The following KLHL28 variants were observed in gnomAD, a reference collection of about 807,000 sequenced individuals.
The protein encoded by KLHL28 is kelch-like protein 28.
KLHL28 carries 22 observed loss-of-function variants against 48.3 expected under a neutral mutation model. That is an observed-to-expected ratio of 0.46 (90% CI 0.33 to 0.65). KLHL28 has a LOEUF of 0.65. KLHL28 is among the 30% of genes least tolerant of loss of function. KLHL28 has a pLI of 0.03. For missense variants in KLHL28, 527 were observed against 704.3 expected (o/e 0.75, Z 2.85); for synonymous variants, 243 against 242.4 (o/e 1.00, Z -0.02).
intron 1 of KLHL28, among the ~76,000 whole-genome samples, chr14:44,948,462 G>T (rs1382059420): frequency 6.6e-6 from 1 of 152,056 alleles, no homozygotes; most frequent in African/African-American, 2.4e-5. Flanking sequence ...GGAATAATAG[G>T]TACCAGCCTT....
In KLHL28 at chr14:44,945,121, G is replaced by A; in HGVS notation, c.808C>T (p.His270Tyr). ...GGTCGTGTCATCAAGACTGTCTGATGAGAGAGTCTATGTTCAGGCATAAAG... is the reference window on the plus strand; with the variant it reads ...GGTCGTGTCATCAAGACTGTCTGATAAGAGAGTCTATGTTCAGGCATAAAG... ...YHFMPEHRLS[H>Y]QTVLMTRPRC... The change falls in exon 2 of 5, where the codon CAT (histidine) becomes TAT (tyrosine). Residue 270 changes from histidine to tyrosine, a missense_variant. Physicochemically the swap from His to Tyr is moderately conservative, Grantham distance 83. Coordinates refer to ENST00000396128, the MANE Select transcript of KLHL28 (RefSeq NM_017658.5). 1.2e-6 allele frequency: 2 copies of A among 1,613,540 alleles called. No individual in the cohort carries two copies. Among genetic ancestry groups the A allele is most frequent in the Non-Finnish European group, 1.7e-6 (2 of 1,179,460 alleles).
At chr14:44,933,858 T>G (rs1883690792) in intron 3 of KLHL28, among the ~76,000 whole-genome samples, 1 of 152,210 alleles carries the variant, frequency 6.6e-6, no homozygotes, top group Non-Finnish European at 1.5e-5. Flanking sequence ...AACTTCATCT[T>G]ATTTTTAGGT....
At chr14:44,940,158 C>T (rs182591801) in intron 2 of KLHL28, among the ~76,000 whole-genome samples, 8 of 152,260 alleles carry the variant, frequency 5.3e-5, no homozygotes, top group African/African-American at 1.9e-4. Flanking sequence ...ATCTTATTAT[C>T]AGGAGCCCAC....
intron 1 of KLHL28, among the ~76,000 whole-genome samples, chr14:44,958,368 G>T (rs1453485087): frequency 2.0e-5 from 3 of 151,076 alleles, no homozygotes; most frequent in Non-Finnish European, 4.4e-5. Context: ...GTAAATAAAT[G>T]GTGAACAGAA....
At chr14:44,949,150 A>G (rs184898308) in intron 1 of KLHL28, among the ~76,000 whole-genome samples, 13 of 152,280 alleles carry the variant, frequency 8.5e-5, no homozygotes, top group Admixed American at 7.8e-4. Flanking sequence ...CCAGTGCCAC[A>G]GGACTGAAGA....
In KLHL28 at chr14:44,929,095, G is replaced by A. The variant is rs1883479306; in HGVS notation, c.1649C>T (p.Ser550Leu). ...LNTVQKYDPI[S>L]DTWLDSAGMI... Reference sequence around the variant, plus strand: ...GCCAGCTGAATCCAGCCACGTATCTGAGATAGGATCATATTTCTGCACTGT... The same window carrying A: ...GCCAGCTGAATCCAGCCACGTATCTAAGATAGGATCATATTTCTGCACTGT... Residue 550 changes from serine to leucine, a missense_variant, in exon 5 of 5, where the codon TCA becomes TTA. By Grantham distance (145) the Ser-to-Leu change is moderately radical (BLOSUM62 -2). Transcript: ENST00000396128. 1.2e-6 allele frequency: 2 copies of A among 1,613,816 alleles called. No individual in the cohort carries two copies. The highest frequency in any genetic ancestry group is 1.7e-6 in the Non-Finnish European group (2 of 1,179,952).
At chr14:44,951,597 A>T (rs1566576551) in intron 1 of KLHL28, among the ~76,000 whole-genome samples, 1 of 152,236 alleles carries the variant, frequency 6.6e-6, no homozygotes, top group Non-Finnish European at 1.5e-5. Flanking sequence ...AAGTGTTTAA[A>T]ATGGGCCAAA....
intron 3 of KLHL28, among the ~76,000 whole-genome samples, chr14:44,933,524 C>T (rs11851962): frequency 0.16 from 24,221 of 151,790 alleles, 3,597 homozygotes; most frequent in African/African-American, 0.4. Flanking sequence ...TTCAGAATTA[C>T]GATTAATTTC....
chr14:44,953,785 TAA>T (rs1349164841), intron 1 of KLHL28: 1 of 152,034 alleles, frequency 6.6e-6, no homozygotes, highest in Non-Finnish European at 1.5e-5. Flanking sequence ...GAAAACAAAC[TAA>T]GACAACCTGA....
chr14:44,935,890 G>GTATATATATATATATATATATATATATA (rs139707349), intron 2 of KLHL28, among the ~76,000 whole-genome samples: 2,977 of 58,874 alleles, frequency 0.051, 699 homozygotes, highest in East Asian at 0.15. Context: ...ATATATGTGT[G>GTATATATATATATATATATATATATATA]TATATATATA....
chr14:44,954,664 A>G (rs1332840865), intron 1 of KLHL28, among the ~76,000 whole-genome samples: 1 of 152,232 alleles, frequency 6.6e-6, no homozygotes, highest in Admixed American at 6.5e-5. Context: ...TTTACACAAT[A>G]TATACTTTTA....
At chr14:44,949,918 T>C (rs1884502720) in intron 1 of KLHL28, among the ~76,000 whole-genome samples, 1 of 152,134 alleles carries the variant, frequency 6.6e-6, no homozygotes, top group Admixed American at 6.5e-5. Context: ...GCTCTGCAAA[T>C]GTCAGTCCAT....
At chr14:44,954,539 G>A (rs914551081) in intron 1 of KLHL28, among the ~76,000 whole-genome samples, 2 of 152,148 alleles carry the variant, frequency 1.3e-5, no homozygotes, top group Non-Finnish European at 2.9e-5. Flanking sequence ...TCTCTGTATA[G>A]AATACTCTGC....
intron 1 of KLHL28, among the ~76,000 whole-genome samples, chr14:44,946,504 G>A (rs1047484637): frequency 2.7e-5 from 4 of 150,768 alleles, no homozygotes; most frequent in Admixed American, 1.3e-4. Context: ...TCCCATGAGG[G>A]CAATAAGGCT....
chr14:44,958,326 C>G (rs972816246), intron 1 of KLHL28, among the ~76,000 whole-genome samples: 4 of 151,728 alleles, frequency 2.6e-5, no homozygotes, highest in African/African-American at 9.7e-5. Flanking sequence ...AGGCACTTAT[C>G]TGCCACTATA....
intron 1 of KLHL28, among the ~76,000 whole-genome samples, chr14:44,951,427 C>G (rs961952981): frequency 6.6e-6 from 1 of 152,130 alleles, no homozygotes; most frequent in Admixed American, 6.5e-5. Context: ...AAGTTGTTCC[C>G]CTATACTTAT....
At chr14:44,932,273 T>G (rs1883625235) in intron 3 of KLHL28, among the ~76,000 whole-genome samples, 1 of 149,110 alleles carries the variant, frequency 6.7e-6, no homozygotes, top group Non-Finnish European at 1.5e-5. Flanking sequence ...GAAAAACCTT[T>G]ATTTTTTTTC....
intron 2 of KLHL28, among the ~76,000 whole-genome samples, chr14:44,942,608 G>A (rs1884150918): frequency 6.6e-6 from 1 of 151,416 alleles, no homozygotes; most frequent in South Asian, 2.1e-4. Flanking sequence ...GACACTTCTT[G>A]GTTAGAACCC....
intron 2 of KLHL28, among the ~76,000 whole-genome samples, chr14:44,944,827 T>C (rs1318041720): frequency 1.3e-5 from 2 of 152,038 alleles, no homozygotes; most frequent in Non-Finnish European, 2.9e-5. Context: ...GGGAGATGGT[T>C]AATAATTGAG....
Sources: gnomAD v4.1 joint callset for allele counts (sites outside exome capture counted in the v4.1 genomes callset) on GRCh38, gnomAD v4.1.1 for gene constraint, MANE v1.5 for transcripts, NCBI Gene and HGNC (gene_info 2026-07-23, HGNC 2026-07-21) for gene names.